Variants in CDON observed in about 807,000 individuals in gnomAD.
The protein encoded by CDON is cell adhesion associated, oncogene regulated, also known as cell adhesion molecule-related/down-regulated by oncogenes.
CDON carries 73 observed loss-of-function variants against 120.9 expected under a neutral mutation model. The observed-to-expected ratio is 0.60, with a 90% confidence interval of 0.50 to 0.73. The LOEUF (loss-of-function observed/expected upper bound fraction) is 0.73, where lower values mean the gene tolerates loss of function less well. Ranked by LOEUF, CDON falls within the 30% of genes least tolerant of loss-of-function variation. The pLI, the probability that CDON is intolerant of heterozygous loss-of-function variation, is 0.00. For synonymous variants in CDON, 566 were observed against 573.5 expected, an observed-to-expected ratio of 0.99 and a Z score of 0.19; for missense variants, 1,470 against 1,587.3, an observed-to-expected ratio of 0.93 and a Z score of 1.26.
chr11:125,987,091 T>C (rs1946489332), intron 15 of CDON, among the ~76,000 whole-genome samples: 1 of 152,190 alleles, frequency 6.6e-6, no homozygotes, highest in African/African-American at 2.4e-5. Context: ...GGGAAGTCCA[T>C]CAGGTTTAAT....
chr11:126,010,748 A>G, intron 7 of CDON, 54 bp from the exon 8 acceptor site: 9 of 1,411,834 alleles, frequency 6.4e-6, no homozygotes, highest in Non-Finnish European at 9.0e-6. Flanking sequence ...AGTACCTACG[A>G]TGCAAAACAA....
intron 17 of CDON, 70 bp from the exon 18 acceptor site, chr11:125,978,453 C>T (rs1946204927): frequency 1.0e-6 from 1 of 956,402 alleles, no homozygotes; most frequent in African/African-American, 1.6e-5. Flanking sequence ...AGACCAGTAG[C>T]CAAATAATCA....
At chr11:126,005,432 G>A in intron 9 of CDON, 1 of 280,856 alleles carries the variant, frequency 3.6e-6, no homozygotes, top group East Asian at 7.7e-5. Context: ...CTACATAAAT[G>A]GTATTCTACT....
At chr11:125,964,492 T>C (rs1945733974) in intron 18 of CDON, among the ~76,000 whole-genome samples, 1 of 152,126 alleles carries the variant, frequency 6.6e-6, no homozygotes, top group South Asian at 2.1e-4. Context: ...AAGTAAATCC[T>C]TTCTAGAGGG....
chr11:125,972,097 A>AG (rs1946015895), intron 18 of CDON, among the ~76,000 whole-genome samples: 1 of 152,178 alleles, frequency 6.6e-6, no homozygotes, highest in Non-Finnish European at 1.5e-5. Context: ...GCTTCTTTCT[A>AG]GGCATTCATA....
chr11:126,004,275 A>T lies in CDON; in HGVS notation c.1852-199T>A, dbSNP rs1003621843. ...CTGCTGCAAGAACGCTGCAATTCTC[A>T]CTGTAGAAAGACTCCTGGCTCTGCA... On this transcript the variant is annotated intron_variant, in intron 9 of 19. Coordinates refer to ENST00000531738, the MANE Select transcript of CDON (RefSeq NM_001378964.1). 57 of 622,418 alleles carry T rather than the reference A, an allele frequency of 9.2e-5. No individual in the cohort carries two copies. The Middle Eastern group carries it at 2.6e-3, about 28-fold the overall frequency. The allele number at this position is 622,418 out of a possible 1,614,324, so 38.6% of individuals were successfully genotyped here.
intron 1 of CDON, among the ~76,000 whole-genome samples, chr11:126,042,934 C>A (rs1948302718): frequency 6.6e-6 from 1 of 152,068 alleles, no homozygotes; most frequent in African/African-American, 2.4e-5. Flanking sequence ...ATTTTACATA[C>A]ATTATTGAGG....
chr11:126,030,728 T>C (rs1378839538), intron 1 of CDON, among the ~76,000 whole-genome samples: 1 of 152,202 alleles, frequency 6.6e-6, no homozygotes, highest in South Asian at 2.1e-4. Flanking sequence ...TTAAGTACTA[T>C]CAAGATTAGT....
At chr11:125,972,996 C>T (rs1946045583) in intron 18 of CDON, among the ~76,000 whole-genome samples, 1 of 138,122 alleles carries the variant, frequency 7.2e-6, no homozygotes, top group Non-Finnish European at 1.5e-5. Flanking sequence ...CCTCCACTGG[C>T]CTCTTCAACC....
intron 18 of CDON, among the ~76,000 whole-genome samples, chr11:125,970,582 C>T (rs1379666108): frequency 6.6e-6 from 1 of 152,214 alleles, no homozygotes; most frequent in Non-Finnish European, 1.5e-5. Flanking sequence ...ACCTAAAGAA[C>T]CCTGATGGCA....
chr11:126,035,464 TTA>T (rs1185446316), intron 1 of CDON, among the ~76,000 whole-genome samples: 1 of 152,194 alleles, frequency 6.6e-6, no homozygotes, highest in Non-Finnish European at 1.5e-5. Flanking sequence ...TCTAGATTTC[TTA>T]TCAGCCCCTG....
intron 15 of CDON, among the ~76,000 whole-genome samples, chr11:125,987,325 T>C (rs1038433924): frequency 6.6e-6 from 1 of 152,074 alleles, no homozygotes; most frequent in Admixed American, 6.5e-5. Context: ...CACAGCAGTC[T>C]CTGATCTTCG....
At chr11:125,994,736 A>G in intron 13 of CDON, 135 bp downstream of exon 13, 1 of 775,530 alleles carries the variant, frequency 1.3e-6, no homozygotes. Context: ...TATTTAGACA[A>G]ATATTGGTGC....
intron 1 of CDON, among the ~76,000 whole-genome samples, chr11:126,027,792 G>C (rs59717599): frequency 0.1 from 15,301 of 151,164 alleles, 808 homozygotes; most frequent in Admixed American, 0.13. Flanking sequence ...AACAATCCAT[G>C]ATAAGGACAA....
At chr11:126,018,557 T>A (rs1203601262) in intron 4 of CDON, 84 bp from the exon 5 acceptor site, 1 of 1,155,398 alleles carries the variant, frequency 8.7e-7, no homozygotes, top group Non-Finnish European at 1.3e-6. Context: ...GGCTGATCAT[T>A]ATGCTCTATT....
At position 125,956,885 on chromosome 11, in the gene CDON, A is replaced by G; in HGVS notation, c.*4057T>C. Reference sequence around the variant, plus strand: ...TTCGGCTACCCTCAAAGCTCTCAGGACTGGGGCTAGGGTTTAAGGAAGGCT... The same window carrying G: ...TTCGGCTACCCTCAAAGCTCTCAGGGCTGGGGCTAGGGTTTAAGGAAGGCT... On this transcript the variant is annotated 3_prime_UTR_variant, in exon 20 of 20. Transcript: ENST00000531738. 1 of 982,866 alleles carries G rather than the reference A, an allele frequency of 1.0e-6. No individual in the cohort carries two copies. The allele number at this position is 982,866 out of a possible 1,614,324, so 60.9% of individuals were successfully genotyped here. A position where few individuals can be genotyped will look rare whatever the true frequency, so the allele number is the denominator to read the frequency against.
rs75547896 is a variant in CDON at position 125,978,141 on chromosome 11, G to A, written c.3356+163C>T. The stretch of plus-strand genomic sequence containing the variant: ...CCGAGGCACAAAAAGACAAAAATTG[G>A]AAAGCAGAGGCAAAAAATTAGTAAC... On this transcript the variant is annotated intron_variant, in intron 18 of 19. Coordinates refer to ENST00000531738, the MANE Select transcript of CDON (RefSeq NM_001378964.1). Among the ~76,000 whole-genome samples the A allele has an allele frequency of 0.025, 3,818 of 152,218 alleles. 159 individuals are homozygous for A. Among genetic ancestry groups the A allele is most frequent in the African/African-American group, 0.084 (3,501 of 41,536 alleles).
At chr11:125,998,889 T>C (rs1946862756) in intron 11 of CDON, among the ~76,000 whole-genome samples, 1 of 152,176 alleles carries the variant, frequency 6.6e-6, no homozygotes, top group African/African-American at 2.4e-5. Context: ...GTGACGCTAG[T>C]TACTTTGAGA....
intron 10 of CDON, 46 bp from the exon 11 acceptor site, chr11:126,001,896 T>G (rs774963525): frequency 1.4e-6 from 2 of 1,419,654 alleles, no homozygotes; most frequent in Admixed American, 1.7e-5. Flanking sequence ...CATATATGTA[T>G]GTAAAGTGGA....
Sources: allele counts gnomAD v4.1 joint callset (sites outside exome capture counted in the v4.1 genomes callset), GRCh38; gene constraint gnomAD v4.1.1; transcripts MANE v1.5; gene names NCBI Gene and HGNC (gene_info 2026-07-23, HGNC 2026-07-21).